The following SEPTIN7 variants were observed in gnomAD, a reference collection of about 807,000 sequenced individuals.
SEPTIN7 encodes the protein septin-7.
A neutral mutation model predicts 63.3 loss-of-function variants in SEPTIN7; 10 were observed. The ratio of observed to expected loss-of-function variants is 0.16; its 90% CI spans 0.10 to 0.27. SEPTIN7 has a LOEUF of 0.27. SEPTIN7 is among the 10% of genes least tolerant of loss of function. The pLI is 1.00. For synonymous variants in SEPTIN7, 131 were observed against 165.3 expected, an observed-to-expected ratio of 0.79 and a Z score of 1.59; for missense variants, 310 against 521.0, an observed-to-expected ratio of 0.59 and a Z score of 3.94.
chr7:35,893,703 G>A (rs1372447881), intron 11 of SEPTIN7, among the ~76,000 whole-genome samples: 1 of 152,136 alleles, frequency 6.6e-6, no homozygotes, highest in Non-Finnish European at 1.5e-5. Flanking sequence ...GAAACATGAA[G>A]TAAACATTAA....
intron 1 of SEPTIN7, among the ~76,000 whole-genome samples, chr7:35,806,546 CT>C (rs1260831118): frequency 1.3e-5 from 2 of 152,096 alleles, no homozygotes. Flanking sequence ...TTATTGTATG[CT>C]TTCATAGAAA....
rs777928776 is a variant in SEPTIN7 at position 35,841,923 on chromosome 7, G to GTCCATCGT, written c.169+9025_169+9032dup. On this transcript the variant is annotated intron_variant, in intron 3 of 13. Transcript: ENST00000350320. ...CCAAATACTATTGTGGGTCAGGTGGGTCCATCGTTTTCTTAGGTGACTGTA... is the reference window on the plus strand; with the variant it reads ...CCAAATACTATTGTGGGTCAGGTGGGTCCATCGTTCCATCGTTTTCTTAGGTGACTGTA... Among the ~76,000 whole-genome samples the GTCCATCGT allele has an allele frequency of 1.2e-3, 182 of 152,180 alleles. 4 individuals carry two copies. In the South Asian group the frequency reaches 0.027, roughly 23 times the overall value.
intron 10 of SEPTIN7, among the ~76,000 whole-genome samples, chr7:35,889,186 C>T (rs529712305): frequency 2.0e-4 from 30 of 152,152 alleles, no homozygotes; most frequent in Non-Finnish European, 3.8e-4. Context: ...AAGTCTTTGA[C>T]GAGAGATTGA....
intron 1 of SEPTIN7, among the ~76,000 whole-genome samples, chr7:35,819,771 CT>C (rs749489097): frequency 6.6e-6 from 1 of 151,488 alleles, no homozygotes; most frequent in Non-Finnish European, 1.5e-5. Context: ...GTTTTCTGTC[CT>C]TTTTTTTCAA....
At chr7:35,851,754 T>C (rs1266658316) in intron 3 of SEPTIN7, among the ~76,000 whole-genome samples, 3 of 152,182 alleles carry the variant, frequency 2.0e-5, no homozygotes, top group African/African-American at 7.2e-5. Flanking sequence ...TAAGTCACTT[T>C]GAGATTATTA....
chr7:35,894,841 T>A (rs542002416), intron 11 of SEPTIN7, among the ~76,000 whole-genome samples: 1 of 152,274 alleles, frequency 6.6e-6, no homozygotes, highest in Admixed American at 6.5e-5. Context: ...CAAATGTGGG[T>A]CATATGTAAT....
At chr7:35,856,867 A>T (rs1292661206) in intron 3 of SEPTIN7, among the ~76,000 whole-genome samples, 2 of 152,232 alleles carry the variant, frequency 1.3e-5, no homozygotes, top group Non-Finnish European at 2.9e-5. Flanking sequence ...TTCAGAATAA[A>T]TTCTTCTAAA....
downstream of SEPTIN7, among the ~76,000 whole-genome samples, chr7:35,909,411 C>T (rs6959502): frequency 0.51 from 78,042 of 151,964 alleles, 21,844 homozygotes; most frequent in Admixed American, 0.62. Context: ...TAAAAATCCA[C>T]TTTCTGTAGT....
At chr7:35,876,525 T>G (rs1369604928) in intron 6 of SEPTIN7, among the ~76,000 whole-genome samples, 1 of 152,208 alleles carries the variant, frequency 6.6e-6, no homozygotes, top group Non-Finnish European at 1.5e-5. Context: ...AAGCAAAACT[T>G]AAAATTTTTT....
chr7:35,816,113 TTGAAAGCG>T (rs1789041440), intron 1 of SEPTIN7, among the ~76,000 whole-genome samples: 1 of 152,196 alleles, frequency 6.6e-6, no homozygotes. Flanking sequence ...AATATACCCC[TTGAAAGCG>T]TGATTTTGTG....
rs1341599571 is a variant in SEPTIN7, at chr7:35,801,246, A to G, written c.37A>G (p.Arg13Gly). The part of the protein sequence containing the change: ...VSARSAAAEE[R>G]SVNSSTMVAQ... ...TGCGAGATCCGCTGCTGCTGAGGAG[A>G]GGAGCGTCAACAGCAGCACCATGGG... is the stretch of plus-strand genomic sequence containing the variant. The change falls in exon 1 of 14, where the codon AGG (arginine) becomes GGG (glycine). Residue 13 changes from arginine (R) to glycine (G), a missense_variant. This residue lies in a region of SEPTIN7 where 55 missense variants were observed against 30.5 expected (regional missense o/e 1.80). Coordinates refer to ENST00000350320, the MANE Select transcript of SEPTIN7 (RefSeq NM_001788.6). 2 of 1,533,808 alleles carry G rather than the reference A, an allele frequency of 1.3e-6. No individual in the cohort carries two copies. Among genetic ancestry groups the G allele is most frequent in the South Asian group, 1.2e-5 (1 of 81,834 alleles).
intron 5 of SEPTIN7, among the ~76,000 whole-genome samples, 196 bp from the exon 6 acceptor site, chr7:35,873,440 ATTTTC>A (rs1786281751): frequency 2.6e-5 from 4 of 152,184 alleles, no homozygotes; most frequent in Admixed American, 2.0e-4. Flanking sequence ...TAAATAGTTT[ATTTTC>A]TTTCATTTGG....
intron 3 of SEPTIN7, among the ~76,000 whole-genome samples, chr7:35,836,277 A>T (rs575260344): frequency 6.6e-6 from 1 of 152,288 alleles, no homozygotes; most frequent in East Asian, 1.9e-4. Context: ...ATAAATTTTT[A>T]ATTGTAATAT....
At chr7:35,817,262 T>C (rs1365131236) in intron 1 of SEPTIN7, among the ~76,000 whole-genome samples, 1 of 152,120 alleles carries the variant, frequency 6.6e-6, no homozygotes, top group African/African-American at 2.4e-5. Context: ...TTCTTTTGTA[T>C]GTGGCTATCC....
At chr7:35,852,958 A>G (rs1346472801) in intron 3 of SEPTIN7, among the ~76,000 whole-genome samples, 1 of 152,132 alleles carries the variant, frequency 6.6e-6, no homozygotes, top group Non-Finnish European at 1.5e-5. Flanking sequence ...AGCCTGCTAA[A>G]GAGGTTATGA....
intron 1 of SEPTIN7, among the ~76,000 whole-genome samples, chr7:35,828,144 G>A (rs1445192878): frequency 1.3e-5 from 2 of 152,094 alleles, no homozygotes; most frequent in Non-Finnish European, 1.5e-5. Context: ...ATTGTCTACT[G>A]TAAATCATCC....
At chr7:35,884,558 A>G (rs996308443) in intron 9 of SEPTIN7, among the ~76,000 whole-genome samples, 1 of 152,198 alleles carries the variant, frequency 6.6e-6, no homozygotes, top group African/African-American at 2.4e-5. Flanking sequence ...GTTTGCTCCC[A>G]GGGAATCTAA....
rs778406300 is a variant in SEPTIN7 at position 35,890,661 on chromosome 7, A to G, written c.873-7A>G. 2.0e-6 allele frequency: 3 copies of G among 1,511,780 alleles called. No homozygotes were observed. Among genetic ancestry groups the G allele is most frequent in the South Asian group, 2.7e-5 (2 of 72,728 alleles). The allele number at this position is 1,511,780 out of a possible 1,614,324, so 93.6% of individuals were successfully genotyped here. A position where few individuals can be genotyped will look rare whatever the true frequency, so the allele number is the denominator to read the frequency against. On this transcript the variant is annotated splice_polypyrimidine_tract_variant and splice_region_variant and intron_variant, in intron 10 of 13. Coordinates refer to ENST00000350320, the MANE Select transcript of SEPTIN7 (RefSeq NM_001788.6). ...AGAAGCAAACTCTTGCTGTTTGTTTATGACAGAACACACATGCAGGACTTG... is the reference window on the plus strand; with the variant it reads ...AGAAGCAAACTCTTGCTGTTTGTTTGTGACAGAACACACATGCAGGACTTG...
chr7:35,876,505 T>C (rs1786481050), intron 6 of SEPTIN7, among the ~76,000 whole-genome samples: 1 of 152,174 alleles, frequency 6.6e-6, no homozygotes, highest in African/African-American at 2.4e-5. Flanking sequence ...ATATAATGAT[T>C]AATGAAAAGA....
Sources: allele counts gnomAD v4.1 joint callset (sites outside exome capture counted in the v4.1 genomes callset), GRCh38; gene constraint gnomAD v4.1.1; regional missense constraint gnomAD v4.1.1; transcripts MANE v1.5; gene names NCBI Gene and HGNC (gene_info 2026-07-23, HGNC 2026-07-21).